The following BMPER variants were observed in gnomAD, a reference collection of about 807,000 sequenced individuals.
BMPER encodes BMP-binding endothelial regulator protein.
A neutral mutation model predicts 87.3 loss-of-function variants in BMPER; 45 were observed. That is an observed-to-expected ratio of 0.52 (90% CI 0.41 to 0.66). BMPER has a LOEUF of 0.66. Ranked by LOEUF, BMPER falls within the 30% of genes least tolerant of loss-of-function variation. BMPER has a pLI of 0.00. For missense variants in BMPER, 784 were observed against 867.5 expected (o/e 0.90, Z 1.21); for synonymous variants, 326 against 316.2 (o/e 1.03, Z -0.33).
intron 13 of BMPER, among the ~76,000 whole-genome samples, chr7:34,106,773 T>C (rs1421873365): frequency 6.6e-6 from 1 of 152,244 alleles, no homozygotes. Context: ...CTTGCCTACC[T>C]GTTCAAATAA....
At position 33,929,786 on chromosome 7, in the gene BMPER, G is replaced by C. The variant is rs978390681; in HGVS notation, c.220-7503G>C. ...GTGCCTTCTTCAGGCTTGTTTGCAA[G>C]GGTTAAATGACAAAATACACAAAAC... On this transcript the variant is annotated intron_variant, in intron 2 of 14. Coordinates refer to ENST00000649409, the MANE Select transcript of BMPER (RefSeq NM_001365308.1). Among the ~76,000 whole-genome samples the C allele has an allele frequency of 1.5e-4, 23 of 152,312 alleles. 1 individual carries two copies. The highest frequency in any genetic ancestry group is 1.5e-3 in the Admixed American group (23 of 15,300).
intron 2 of BMPER, 134 bp from the exon 3 acceptor site, chr7:33,937,155 T>TTTGCTCTCACAGCGTCTTC: frequency 1.1e-6 from 1 of 876,882 alleles, no homozygotes; most frequent in Admixed American, 2.0e-5. Flanking sequence ...CAAAATCCTA[T>TTTGCTCTCACAGCGTCTTC]TTGCTCTCAC....
At chr7:33,985,082 A>G (rs966727735) in intron 6 of BMPER, among the ~76,000 whole-genome samples, 2 of 152,188 alleles carry the variant, frequency 1.3e-5, no homozygotes, top group African/African-American at 4.8e-5. Context: ...AGCCAAATAC[A>G]ATCTATTGAC....
intron 2 of BMPER, among the ~76,000 whole-genome samples, chr7:33,933,360 T>C (rs1398903506): frequency 3.3e-5 from 5 of 151,540 alleles, no homozygotes; most frequent in Admixed American, 3.3e-4. Context: ...GACCACTGGC[T>C]GGCAACCGTA....
At chr7:33,939,444 A>AT (rs1784694474) in intron 3 of BMPER, among the ~76,000 whole-genome samples, 2 of 152,078 alleles carry the variant, frequency 1.3e-5, no homozygotes, top group Admixed American at 6.6e-5. Context: ...ATCCCAACGC[A>AT]TTTGGGGGGA....
rs529757622 is a variant in BMPER at position 33,957,300 on chromosome 7, C to T, written c.320-9179C>T. 4.0e-5 allele frequency among the ~76,000 whole-genome samples: 6 copies of T among 151,074 alleles called. No homozygotes were observed. In the East Asian group the frequency reaches 7.8e-4, roughly 20 times the overall value. On this transcript the variant is annotated intron_variant, in intron 3 of 14. Transcript: ENST00000649409. ...AAAAGGAACAAACAATTGATACATG[C>T]AACAACTTGGTTGGAGCTCAGAAGA...
chr7:34,147,164 CA>C lies in BMPER; in HGVS notation c.1876+3807del, dbSNP rs376548894. Among the ~76,000 whole-genome samples, 294 of 152,308 alleles carry C rather than the reference CA, an allele frequency of 1.9e-3. 3 individuals carry two copies. Among genetic ancestry groups the C allele is most frequent in the South Asian group, 8.7e-3 (42 of 4,822 alleles). On this transcript the variant is annotated intron_variant, in intron 14 of 14. Transcript: ENST00000649409. The stretch of plus-strand genomic sequence containing the variant: ...TTTTCTTCCTCCTTGTTTGGCTCTG[CA>C]AACCCCAGATGGTTCTAGCTCCTTC...
At chr7:34,135,811 C>T (rs893537633) in intron 13 of BMPER, among the ~76,000 whole-genome samples, 15 of 152,152 alleles carry the variant, frequency 9.9e-5, no homozygotes, top group African/African-American at 3.4e-4. Flanking sequence ...CTGAAACAAA[C>T]AGAGCTCCAT....
chr7:34,026,634 A>G (rs1408433089), intron 6 of BMPER, among the ~76,000 whole-genome samples: 1 of 152,118 alleles, frequency 6.6e-6, no homozygotes, highest in East Asian at 1.9e-4. Flanking sequence ...AGTTACTAAA[A>G]TGAAAATGGC....
intron 6 of BMPER, among the ~76,000 whole-genome samples, chr7:33,992,811 T>C (rs1440244486): frequency 1.4e-5 from 2 of 139,266 alleles, no homozygotes; most frequent in African/African-American, 2.7e-5. Context: ...AGGGCAGGCC[T>C]GGTGGTGACA....
chr7:34,002,123 A>C (rs1363730682), intron 6 of BMPER, among the ~76,000 whole-genome samples: 2 of 151,760 alleles, frequency 1.3e-5, no homozygotes, highest in Admixed American at 6.6e-5. Flanking sequence ...ATTTGAGAAG[A>C]GTGTGTATTT....
intron 6 of BMPER, among the ~76,000 whole-genome samples, chr7:33,994,294 C>G (rs996724677): frequency 2.0e-5 from 3 of 152,168 alleles, no homozygotes; most frequent in Non-Finnish European, 4.4e-5. Context: ...TAGGACCCTC[C>G]GAGCCAGGTG....
intron 8 of BMPER, 69 bp from the exon 9 acceptor site, chr7:34,055,094 A>G (rs955401268): frequency 2.4e-5 from 38 of 1,604,148 alleles, no homozygotes; most frequent in Non-Finnish European, 3.2e-5. Flanking sequence ...TTATGAAAGG[A>G]AGGCCAGGTA....
chr7:34,037,931 G>A (rs1787725705), intron 6 of BMPER, among the ~76,000 whole-genome samples: 1 of 152,166 alleles, frequency 6.6e-6, no homozygotes, highest in African/African-American at 2.4e-5. Flanking sequence ...TTTTCCTTAG[G>A]AAAGCATTAG....
rs1320768261 is a variant in BMPER at position 33,937,609 on chromosome 7, G to T, written c.319+221G>T. On this transcript the variant is annotated intron_variant, in intron 3 of 14. Coordinates refer to ENST00000649409, the MANE Select transcript of BMPER (RefSeq NM_001365308.1). ...GGGCTCTCCTGGAGGAGGGATGAAAGTATGTGAGCATCTTCATATTTGGTT... is the reference window on the plus strand; with the variant it reads ...GGGCTCTCCTGGAGGAGGGATGAAATTATGTGAGCATCTTCATATTTGGTT... 1.1e-4 allele frequency: 64 copies of T among 561,662 alleles called. 2 individuals carry two copies. In the South Asian group the frequency reaches 1.2e-3, roughly 11 times the overall value. 34.8% of individuals were successfully genotyped at this position (561,662 alleles called of 1,614,324 possible). A position where few individuals can be genotyped will look rare whatever the true frequency, so the allele number is the denominator to read the frequency against.
At chr7:34,098,517 T>A (rs891170899) in intron 13 of BMPER, among the ~76,000 whole-genome samples, 3 of 152,218 alleles carry the variant, frequency 2.0e-5, no homozygotes, top group Non-Finnish European at 4.4e-5. Flanking sequence ...ATAATTCTTT[T>A]AACATGAAAG....
chr7:34,041,168 C>T (rs1216893847), intron 6 of BMPER, among the ~76,000 whole-genome samples: 1 of 152,164 alleles, frequency 6.6e-6, no homozygotes, highest in African/African-American at 2.4e-5. Context: ...CATTTCAACC[C>T]TGCCACTTAC....
intron 6 of BMPER, among the ~76,000 whole-genome samples, chr7:33,976,184 G>T (rs983214775): frequency 2.0e-4 from 30 of 151,904 alleles, no homozygotes; most frequent in Admixed American, 1.8e-3. Flanking sequence ...ACAGAGTCTT[G>T]CTCTGTCTCC....
chr7:33,986,728 C>T (rs138212872), intron 6 of BMPER, among the ~76,000 whole-genome samples: 255 of 151,778 alleles, frequency 1.7e-3, no homozygotes, highest in Non-Finnish European at 3.1e-3. Context: ...TGTGGGAGGA[C>T]GAGAATGGAA....
Sources: allele counts gnomAD v4.1 joint callset (sites outside exome capture counted in the v4.1 genomes callset), GRCh38; gene constraint gnomAD v4.1.1; transcripts MANE v1.5; gene names NCBI Gene and HGNC (gene_info 2026-07-23, HGNC 2026-07-21).